The following MTSS1 variants were observed in gnomAD, a reference collection of about 807,000 sequenced individuals.
The protein encoded by MTSS1 is protein MTSS 1.
A neutral mutation model predicts 79.0 loss-of-function variants in MTSS1; 18 were observed. The ratio of observed to expected loss-of-function variants is 0.23; its 90% CI spans 0.16 to 0.34. The LOEUF is 0.34. MTSS1 is among the 10% of genes least tolerant of loss of function. MTSS1 has a pLI of 1.00. For missense variants in MTSS1, 815 were observed against 986.2 expected (o/e 0.83, Z 2.33); for synonymous variants, 341 against 368.6 (o/e 0.93, Z 0.86).
chr8:124,699,586 C>T lies in MTSS1; in HGVS notation c.148G>A (p.Ala50Thr), dbSNP rs1238908932. 6.2e-7 allele frequency: 1 copy of T among 1,614,124 alleles called. No individual in the cohort carries two copies. The highest frequency in any genetic ancestry group is 8.5e-7 in the Non-Finnish European group (1 of 1,179,986). Residue 50 changes from alanine to threonine, a missense_variant, in exon 3 of 14, where the codon GCA (alanine) becomes ACA (threonine). Ala to Thr is a moderately conservative substitution (Grantham distance 58, BLOSUM62 0). Coordinates refer to ENST00000518547, the MANE Select transcript of MTSS1 (RefSeq NM_014751.6). Reference protein sequence around the residue: ...LQSQLRTTVVAAAAFLDAFQK... With the variant: ...LQSQLRTTVVTAAAFLDAFQK... ...AAGGCGTCCAAGAAGGCAGCTGCTG[C>T]TACTACTGTTGTCCTAAAATGCAAA... is the stretch of plus-strand genomic sequence containing the variant.
chr8:124,617,780 A>G (rs1043072906), intron 3 of MTSS1, among the ~76,000 whole-genome samples: 1 of 152,008 alleles, frequency 6.6e-6, no homozygotes, highest in Non-Finnish European at 1.5e-5. Context: ...CATGTTTTAT[A>G]CTCCTCGCTT....
chr8:124,648,709 G>GCCCCCCCCC (rs565378341), intron 3 of MTSS1, among the ~76,000 whole-genome samples: 1 of 147,776 alleles, frequency 6.8e-6, no homozygotes, highest in African/African-American at 2.6e-5. Flanking sequence ...CCAAATAGCA[G>GCCCCCCCCC]CCCCCCCCCA....
intron 1 of MTSS1, among the ~76,000 whole-genome samples, chr8:124,721,043 C>A (rs1287110609): frequency 2.6e-5 from 4 of 152,102 alleles, no homozygotes; most frequent in African/African-American, 9.7e-5. Context: ...GGTTTAGGGG[C>A]AGTGTTGTAG....
chr8:124,677,443 A>T (rs1459753068), intron 3 of MTSS1, among the ~76,000 whole-genome samples: 1 of 152,202 alleles, frequency 6.6e-6, no homozygotes, highest in Non-Finnish European at 1.5e-5. Context: ...ACCACAGACA[A>T]AACCCAAATG....
intron 3 of MTSS1, among the ~76,000 whole-genome samples, chr8:124,698,512 T>TTC (rs1204501322): frequency 1.3e-5 from 2 of 148,834 alleles, no homozygotes; most frequent in African/African-American, 4.9e-5. Context: ...TTTTCTTTTT[T>TTC]TTTTTTTTTT....
chr8:124,574,035 T>C (rs1180164704), intron 6 of MTSS1, among the ~76,000 whole-genome samples: 3 of 152,124 alleles, frequency 2.0e-5, no homozygotes, highest in South Asian at 2.1e-4. Flanking sequence ...CTCTGTTGCC[T>C]AGGCTGGAGT....
At chr8:124,612,652 CAG>C (rs953920705) in intron 3 of MTSS1, among the ~76,000 whole-genome samples, 5 of 65,926 alleles carry the variant, frequency 7.6e-5, no homozygotes, top group Non-Finnish European at 1.4e-4. Flanking sequence ...GAAAGAGAGA[CAG>C]AGAGAGAGAA....
chr8:124,720,821 A>C (rs1290095065), intron 1 of MTSS1, among the ~76,000 whole-genome samples: 1 of 152,236 alleles, frequency 6.6e-6, no homozygotes, highest in Non-Finnish European at 1.5e-5. Context: ...ACTGCTTCTA[A>C]CATTTGAGTG....
chr8:124,694,256 C>T (rs1828435570), intron 3 of MTSS1, among the ~76,000 whole-genome samples: 1 of 152,002 alleles, frequency 6.6e-6, no homozygotes, highest in Non-Finnish European at 1.5e-5. Context: ...CAGCACTGGC[C>T]CATCCCGGCC....
At chr8:124,562,342 C>T (rs1322278035) in intron 10 of MTSS1, among the ~76,000 whole-genome samples, 1 of 152,214 alleles carries the variant, frequency 6.6e-6, no homozygotes, top group Admixed American at 6.5e-5. Context: ...TAAAAGGAAC[C>T]TGAGAGCGCC....
chr8:124,555,675 C>T, intron 13 of MTSS1, 67 bp downstream of exon 13: 2 of 1,466,416 alleles, frequency 1.4e-6, no homozygotes, highest in Non-Finnish European at 9.1e-7. Flanking sequence ...AATGGACCAG[C>T]AGTTTTCTAT....
At position 124,683,239 on chromosome 8, in the gene MTSS1, G is replaced by A. The variant is rs1042915553; in HGVS notation, c.208+16287C>T. ...TGTTTAACATGTGGTTAAAAAGGAA[G>A]CAGCCCACAATTTTAAAAAAATGAA... On this transcript the variant is annotated intron_variant, in intron 3 of 13. Coordinates refer to ENST00000518547, the MANE Select transcript of MTSS1 (RefSeq NM_014751.6). This position sits in a 1 kb window ranked among gnomAD's most constrained non-coding sequence, Gnocchi z 4.5. 5.9e-5 allele frequency among the ~76,000 whole-genome samples: 9 copies of A among 151,766 alleles called. No homozygotes were observed. Among genetic ancestry groups the A allele is most frequent in the African/African-American group, 1.7e-4 (7 of 41,300 alleles).
intron 3 of MTSS1, among the ~76,000 whole-genome samples, chr8:124,624,408 A>G (rs946647989): frequency 1.3e-5 from 2 of 152,156 alleles, no homozygotes; most frequent in Non-Finnish European, 2.9e-5. Context: ...CATTCAGAGA[A>G]CTGGTGAGCA....
intron 9 of MTSS1, among the ~76,000 whole-genome samples, chr8:124,565,011 A>T (rs540954084): frequency 6.6e-6 from 1 of 152,254 alleles, no homozygotes; most frequent in Non-Finnish European, 1.5e-5. Flanking sequence ...TCATGCTTCC[A>T]TCTTTCAAGG....
At chr8:124,602,210 T>G (rs952549239) in intron 3 of MTSS1, among the ~76,000 whole-genome samples, 19 of 92,124 alleles carry the variant, frequency 2.1e-4, no homozygotes, top group Non-Finnish European at 1.4e-4. Context: ...TATATATAAT[T>G]TTTTTTTGAG....
At chr8:124,699,433 A>C (rs1829377560) in intron 3 of MTSS1, 93 bp downstream of exon 3, 2 of 1,152,968 alleles carry the variant, frequency 1.7e-6, no homozygotes, top group Non-Finnish European at 2.6e-6. Context: ...CAGCTCTGAT[A>C]ACTTAAGCTG....
chr8:124,728,076 C>G lies in MTSS1; in HGVS notation c.-121G>C. ...GAGAGACCCACCTCGGACTCGCAGCCTCTTCTGCAGCGAGGACGGGGTGCA... is the reference window on the plus strand; with the variant it reads ...GAGAGACCCACCTCGGACTCGCAGCGTCTTCTGCAGCGAGGACGGGGTGCA... On this transcript the variant is annotated 5_prime_UTR_variant, in exon 1 of 14. Transcript: ENST00000518547. The surrounding 1 kb of genome is among the most constrained non-coding windows in gnomAD (Gnocchi z 6.1). The G allele has an allele frequency of 2.6e-6, 2 of 770,722 alleles. No homozygotes were observed. Among genetic ancestry groups the G allele is most frequent in the Non-Finnish European group, 4.2e-6 (2 of 476,492 alleles). 47.7% of individuals were successfully genotyped at this position (770,722 alleles called of 1,614,324 possible).
intron 1 of MTSS1, among the ~76,000 whole-genome samples, chr8:124,724,332 C>A (rs1035904913): frequency 6.6e-6 from 1 of 152,094 alleles, no homozygotes; most frequent in African/African-American, 2.4e-5. Flanking sequence ...ATGGCAAACA[C>A]AGGTGGGGGG....
chr8:124,684,409 A>G (rs1443443092), intron 3 of MTSS1, among the ~76,000 whole-genome samples: 1 of 152,242 alleles, frequency 6.6e-6, no homozygotes, highest in East Asian at 1.9e-4. Flanking sequence ...ATAGAGCAAC[A>G]GAAAAGAACA....
Sources: gnomAD v4.1 joint callset for allele counts (sites outside exome capture counted in the v4.1 genomes callset) on GRCh38, gnomAD v4.1.1 for gene constraint, Gnocchi (gnomAD v3.1) non-coding constraint, MANE v1.5 for transcripts, NCBI Gene and HGNC (gene_info 2026-07-23, HGNC 2026-07-21) for gene names.